Variants in SORBS2 observed in about 807,000 individuals in gnomAD.
SORBS2 encodes sorbin and SH3 domain-containing protein 2.
A neutral mutation model predicts 97.7 loss-of-function variants in SORBS2; 46 were observed. That is an observed-to-expected ratio of 0.47 (90% CI 0.37 to 0.60). The LOEUF (loss-of-function observed/expected upper bound fraction) is 0.60. Ranked by LOEUF, SORBS2 falls within the 20% of genes least tolerant of loss-of-function variation. SORBS2 has a pLI of 0.00. For synonymous variants in SORBS2, 476 were observed against 473.4 expected (o/e 1.01, Z -0.07); for missense variants, 1,316 against 1,282.3 (o/e 1.03, Z -0.40).
At chr4:185,813,890 C>A (rs2099191301) in intron 1 of SORBS2, among the ~76,000 whole-genome samples, 1 of 152,148 alleles carries the variant, frequency 6.6e-6, no homozygotes, top group Non-Finnish European at 1.5e-5. Flanking sequence ...ATGTCTGACT[C>A]CCAGACTGTT....
chr4:185,586,993 C>T lies in SORBS2; in HGVS notation c.*634G>A, dbSNP rs141519219. The stretch of plus-strand genomic sequence containing the variant: ...AAAAAGACTCCTATTTGAAAACTCA[C>T]ATTCAATCAGCAAAATCACACTCAT... On this transcript the variant is annotated 3_prime_UTR_variant, in exon 15 of 15. Transcript: ENST00000418609. The T allele has an allele frequency of 2.6e-5, 4 of 152,792 alleles. No individual in the cohort carries two copies. The East Asian group carries it at 7.7e-4, about 29-fold the overall frequency. The allele number at this position is 152,792 out of a possible 1,614,324, so 9.5% of individuals were successfully genotyped here.
chr4:185,640,296 A>G (rs558059992), intron 4 of SORBS2, among the ~76,000 whole-genome samples: 1 of 152,356 alleles, frequency 6.6e-6, no homozygotes, highest in African/African-American at 2.4e-5. Context: ...TTACAAAGGT[A>G]TTACAAAGCT....
chr4:185,861,431 C>T (rs1217994478), intron 1 of SORBS2, among the ~76,000 whole-genome samples: 1 of 151,712 alleles, frequency 6.6e-6, no homozygotes, highest in Non-Finnish European at 1.5e-5. Flanking sequence ...CTTGAGAGAC[C>T]AAAAGGAAGC....
At chr4:185,695,128 G>A (rs1293124885) in intron 2 of SORBS2, among the ~76,000 whole-genome samples, 1 of 152,138 alleles carries the variant, frequency 6.6e-6, no homozygotes, top group Non-Finnish European at 1.5e-5. Context: ...AGGATCCTAA[G>A]GAGTTTGATC....
chr4:185,850,776 AGT>A (rs1454785123), intron 1 of SORBS2, among the ~76,000 whole-genome samples: 7 of 152,098 alleles, frequency 4.6e-5, no homozygotes, highest in Non-Finnish European at 1.0e-4. Flanking sequence ...GTGATTTCTG[AGT>A]GTGTCTGTGA....
intron 1 of SORBS2, among the ~76,000 whole-genome samples, chr4:185,854,098 T>G (rs529659788): frequency 6.6e-6 from 1 of 152,160 alleles, no homozygotes; most frequent in South Asian, 2.1e-4. Context: ...GTCATGGAAG[T>G]ACAGAGGGGA....
chr4:185,742,721 G>A (rs1485023643), intron 2 of SORBS2, among the ~76,000 whole-genome samples: 1 of 152,178 alleles, frequency 6.6e-6, no homozygotes, highest in African/African-American at 2.4e-5. Context: ...AGATATATTT[G>A]CTATAGTGAA....
exon 15 of SORBS2, chr4:185,586,464 C>CTGAG (rs1473854398): frequency 6.6e-6 from 1 of 152,624 alleles, no homozygotes; most frequent in African/African-American, 2.4e-5. Context: ...AGCCAGGATT[C>CTGAG]TGAGTTCCAT....
At chr4:185,687,554 T>G (rs888743134) in intron 2 of SORBS2, among the ~76,000 whole-genome samples, 1 of 152,232 alleles carries the variant, frequency 6.6e-6, no homozygotes, top group Non-Finnish European at 1.5e-5. Flanking sequence ...ATTAAGTTAT[T>G]AAGTTGTTAG....
chr4:185,683,803 A>C (rs2097909984), intron 2 of SORBS2, among the ~76,000 whole-genome samples: 3 of 152,210 alleles, frequency 2.0e-5, no homozygotes, highest in African/African-American at 4.8e-5. Context: ...AGAAAAACTC[A>C]GTAGTTTAGA....
At chr4:185,934,529 G>A (rs918663501) in intron 1 of SORBS2, among the ~76,000 whole-genome samples, 2 of 152,134 alleles carry the variant, frequency 1.3e-5, no homozygotes, top group Admixed American at 1.3e-4. Context: ...GGGAGGCCGA[G>A]ACAGGTGGAT....
At chr4:185,643,686 C>G (rs1025311068) in intron 4 of SORBS2, among the ~76,000 whole-genome samples, 33 of 152,070 alleles carry the variant, frequency 2.2e-4, no homozygotes, top group African/African-American at 7.7e-4. Flanking sequence ...CAAGATGACC[C>G]TTTGGAAAAG....
intron 1 of SORBS2, among the ~76,000 whole-genome samples, chr4:185,817,405 T>G (rs528176708): frequency 6.6e-6 from 1 of 152,296 alleles, no homozygotes; most frequent in East Asian, 1.9e-4. Context: ...CTGTTTATAC[T>G]TCATAATGAT....
At chr4:185,710,319 T>C (rs920630208) in intron 2 of SORBS2, among the ~76,000 whole-genome samples, 9 of 152,226 alleles carry the variant, frequency 5.9e-5, no homozygotes, top group African/African-American at 1.7e-4. Flanking sequence ...GGATGCCTCA[T>C]TGTTGCTCGT....
chr4:185,923,886 C>T (rs1039622413), intron 1 of SORBS2, among the ~76,000 whole-genome samples: 1 of 152,112 alleles, frequency 6.6e-6, no homozygotes, highest in African/African-American at 2.4e-5. Context: ...TGGATACTTT[C>T]CTGAATACTA....
chr4:185,756,282 A>G (rs1160173148), intron 2 of SORBS2, among the ~76,000 whole-genome samples: 1 of 152,244 alleles, frequency 6.6e-6, no homozygotes, highest in East Asian at 1.9e-4. Flanking sequence ...GATTTTTATA[A>G]ATCGCATGAA....
intron 1 of SORBS2, among the ~76,000 whole-genome samples, chr4:185,818,992 C>T (rs1249664545): frequency 1.3e-5 from 2 of 152,188 alleles, no homozygotes; most frequent in East Asian, 3.9e-4. Context: ...GGCATGTGGA[C>T]TCTTTCCTAT....
chr4:185,671,275 T>A (rs1311763896), intron 4 of SORBS2, among the ~76,000 whole-genome samples: 1 of 152,238 alleles, frequency 6.6e-6, no homozygotes, highest in Non-Finnish European at 1.5e-5. Context: ...TAAATATTTC[T>A]ACTGTACTCT....
At chr4:185,730,280 A>AT (rs71598509) in intron 2 of SORBS2, among the ~76,000 whole-genome samples, 204 of 104,930 alleles carry the variant, frequency 1.9e-3, no homozygotes, top group African/African-American at 5.0e-3. Flanking sequence ...TGTAATTCTA[A>AT]TTTTTTTTTT....
Sources: gnomAD v4.1 joint callset for allele counts (sites outside exome capture counted in the v4.1 genomes callset) on GRCh38, gnomAD v4.1.1 for gene constraint, MANE v1.5 for transcripts, NCBI Gene and HGNC (gene_info 2026-07-23, HGNC 2026-07-21) for gene names.